The following MARCHF10 variants were observed in gnomAD, a reference collection of about 807,000 sequenced individuals.
MARCHF10 encodes the protein membrane associated ring-CH-type finger 10.
Under a neutral mutation model 76.2 loss-of-function variants are expected in MARCHF10, and 64 were observed. The observed-to-expected ratio is 0.84, with a 90% CI of 0.69 to 1.03. The LOEUF (loss-of-function observed/expected upper bound fraction) is 1.03. Among genes scored for constraint, MARCHF10 ranks in the 50% least tolerant of loss-of-function variants. MARCHF10 has a pLI of 0.00. For missense variants in MARCHF10, 875 were observed against 958.0 expected (o/e 0.91, Z 1.14); for synonymous variants, 340 against 357.5 (o/e 0.95, Z 0.55).
chr17:62,806,668 CTG>C (rs2093169735), intron 1 of MARCHF10: 2 of 152,190 alleles, frequency 1.3e-5, no homozygotes. Flanking sequence ...TTCTACATAT[CTG>C]TGAAATTTTA....
At chr17:62,748,674 G>A (rs914672730) in intron 4 of MARCHF10, among the ~76,000 whole-genome samples, 1 of 152,180 alleles carries the variant, frequency 6.6e-6, no homozygotes, top group Non-Finnish European at 1.5e-5. Context: ...AGCCCCAGGA[G>A]GTCGAGGCTG....
intron 4 of MARCHF10, among the ~76,000 whole-genome samples, chr17:62,755,844 T>A (rs536982487): frequency 6.6e-6 from 1 of 152,364 alleles, no homozygotes; most frequent in South Asian, 2.1e-4. Context: ...CTGGGTGCTG[T>A]GGCTCATGTC....
chr17:62,803,746 C>T (rs866082770), intron 1 of MARCHF10, among the ~76,000 whole-genome samples: 2 of 152,260 alleles, frequency 1.3e-5, no homozygotes, highest in African/African-American at 2.4e-5. Flanking sequence ...GAGCTCCTGA[C>T]GTCAGGTGAT....
At chr17:62,704,235 G>C (rs1430372998) in intron 10 of MARCHF10, among the ~76,000 whole-genome samples, 8 of 151,762 alleles carry the variant, frequency 5.3e-5, no homozygotes, top group Non-Finnish European at 1.2e-4. Context: ...CCGAGGCGCA[G>C]GGCGTTTTCC....
At chr17:62,780,690 T>C (rs1460997752) in intron 3 of MARCHF10, among the ~76,000 whole-genome samples, 1 of 152,212 alleles carries the variant, frequency 6.6e-6, no homozygotes, top group African/African-American at 2.4e-5. Flanking sequence ...GACAGTGATC[T>C]CTACCTTTCT....
chr17:62,732,358 G>T (rs899276930), intron 6 of MARCHF10, among the ~76,000 whole-genome samples: 1 of 152,182 alleles, frequency 6.6e-6, no homozygotes, highest in African/African-American at 2.4e-5. Flanking sequence ...CATTAAGACG[G>T]AATGGCATTA....
chr17:62,716,689 A>C (rs1057423480), intron 8 of MARCHF10, among the ~76,000 whole-genome samples: 2 of 147,200 alleles, frequency 1.4e-5, no homozygotes, highest in African/African-American at 5.4e-5. Flanking sequence ...AATTAAACAA[A>C]AGCAAAAAAA....
chr17:62,738,108 C>A lies in MARCHF10; in HGVS notation c.536-776G>T, dbSNP rs188575853. On this transcript the variant is annotated intron_variant, in intron 5 of 10. Transcript: ENST00000311269. The surrounding 1 kb of genome is among the most constrained non-coding windows in gnomAD (Gnocchi z 4.0). ...CACACACACACACACACAACTTAAG[C>A]CTCACAACCCTGTGAAATAGGTAAC... is the stretch of plus-strand genomic sequence containing the variant. Among the ~76,000 whole-genome samples, 31 of 85,846 alleles carry A rather than the reference C, an allele frequency of 3.6e-4. No homozygotes were observed. The East Asian group carries it at 8.8e-3, about 24-fold the overall frequency. 56.3% of individuals were successfully genotyped at this position (85,846 alleles called of 152,430 possible). A position where few individuals can be genotyped will look rare whatever the true frequency, so the allele number is the denominator to read the frequency against.
At chr17:62,796,692 C>A (rs1295590290) in intron 2 of MARCHF10, among the ~76,000 whole-genome samples, 1 of 152,142 alleles carries the variant, frequency 6.6e-6, no homozygotes. Context: ...GGATGTCACA[C>A]AAAAGACAAT....
chr17:62,781,234 T>C (rs944996895), intron 3 of MARCHF10, among the ~76,000 whole-genome samples: 5 of 152,218 alleles, frequency 3.3e-5, no homozygotes, highest in African/African-American at 9.6e-5. Context: ...TGAGGGATTC[T>C]AGAAGCCTCA....
intron 5 of MARCHF10, among the ~76,000 whole-genome samples, chr17:62,741,482 CAGT>C (rs1191517522): frequency 6.6e-6 from 1 of 152,168 alleles, no homozygotes; most frequent in African/African-American, 2.4e-5. Flanking sequence ...CAATCCATGT[CAGT>C]AGCATAGACA....
intron 8 of MARCHF10, among the ~76,000 whole-genome samples, chr17:62,714,703 G>A (rs1373595374): frequency 6.6e-6 from 1 of 152,118 alleles, no homozygotes; most frequent in Non-Finnish European, 1.5e-5. Context: ...TACTGAGCAG[G>A]CCTTTTCAAA....
At chr17:62,724,623 G>A (rs1458214199) in intron 7 of MARCHF10, among the ~76,000 whole-genome samples, 1 of 152,106 alleles carries the variant, frequency 6.6e-6, no homozygotes, top group East Asian at 1.9e-4. Flanking sequence ...TTCCTCCTGA[G>A]AGGCGATCTT....
chr17:62,729,601 C>T (rs1224131541), intron 6 of MARCHF10, among the ~76,000 whole-genome samples: 1 of 149,896 alleles, frequency 6.7e-6, no homozygotes, highest in African/African-American at 2.4e-5. Context: ...TTTTTAGAGA[C>T]AGGGCCTCAC....
intron 5 of MARCHF10, among the ~76,000 whole-genome samples, chr17:62,741,914 G>T (rs1156912300): frequency 8.6e-5 from 13 of 152,004 alleles, no homozygotes; most frequent in African/African-American, 2.7e-4. Flanking sequence ...TAGCCAGGAT[G>T]GTCTCGATCT....
chr17:62,776,191 G>T (rs115765478), intron 3 of MARCHF10, among the ~76,000 whole-genome samples: 1 of 152,040 alleles, frequency 6.6e-6, no homozygotes, highest in Non-Finnish European at 1.5e-5. Flanking sequence ...AACACATAGC[G>T]CTACTTACAA....
rs1352418777 is a variant in MARCHF10 at position 62,722,502 on chromosome 17, GCTT to G, written c.2197_2199del (p.Lys733del). 1 of 1,612,774 alleles carries G rather than the reference GCTT, an allele frequency of 6.2e-7. No homozygotes were observed. Reference sequence around the variant, plus strand: ...ACATTTCTTACCTGAGATTGCTGGTGCTTCTGGTAGAACTCAATCATGTTAAAG... The same window carrying G: ...ACATTTCTTACCTGAGATTGCTGGTGCTGGTAGAACTCAATCATGTTAAAG... On this transcript the variant is annotated inframe_deletion, in exon 8 of 11. Transcript: ENST00000311269.
intron 8 of MARCHF10, among the ~76,000 whole-genome samples, chr17:62,716,760 T>G (rs2147650087): frequency 6.6e-6 from 1 of 152,122 alleles, no homozygotes; most frequent in Non-Finnish European, 1.5e-5. Flanking sequence ...TAGTTTGAGG[T>G]TAAGTGAGAA....
At chr17:62,740,834 C>T (rs1466276508) in intron 5 of MARCHF10, among the ~76,000 whole-genome samples, 1 of 152,020 alleles carries the variant, frequency 6.6e-6, no homozygotes, top group East Asian at 1.9e-4. Flanking sequence ...CACTTTGTTG[C>T]CCAGTCTGGT....
Sources: gnomAD v4.1 joint callset for allele counts (sites outside exome capture counted in the v4.1 genomes callset) on GRCh38, gnomAD v4.1.1 for gene constraint, Gnocchi (gnomAD v3.1) non-coding constraint, MANE v1.5 for transcripts, NCBI Gene and HGNC (gene_info 2026-07-23, HGNC 2026-07-21) for gene names.